The following KCND3 variants were observed in gnomAD, a reference collection of about 807,000 sequenced individuals.
KCND3 encodes potassium voltage-gated channel subfamily D member 3, also known as A-type voltage-gated potassium channel KCND3.
Under a neutral mutation model 51.1 loss-of-function variants are expected in KCND3, and 9 were observed. That is an observed-to-expected ratio of 0.18 (90% CI 0.11 to 0.31). The LOEUF (loss-of-function observed/expected upper bound fraction) is 0.31. Ranked by LOEUF, KCND3 falls within the 10% of genes least tolerant of loss-of-function variation. KCND3 has a pLI of 1.00. For synonymous variants in KCND3, 349 were observed against 368.0 expected, an observed-to-expected ratio of 0.95 and a Z score of 0.59; for missense variants, 526 against 903.8, an observed-to-expected ratio of 0.58 and a Z score of 5.36.
chr1:111,936,115 C>CCTGT (rs1672205743), intron 2 of KCND3, among the ~76,000 whole-genome samples: 1 of 152,152 alleles, frequency 6.6e-6, no homozygotes, highest in African/African-American at 2.4e-5. Flanking sequence ...ACAGACTGCC[C>CCTGT]CTGTATGTAT....
In KCND3 at chr1:111,969,562, A is replaced by T. The variant is rs143415666; in HGVS notation, c.1106+12059T>A. ...TCAGCTACAAAACACAGATAATAGTAATACTGCTCTCATATGGTTATTGGG... is the reference window on the plus strand; with the variant it reads ...TCAGCTACAAAACACAGATAATAGTTATACTGCTCTCATATGGTTATTGGG... On this transcript the variant is annotated intron_variant, in intron 2 of 7. Transcript: ENST00000302127. Among the ~76,000 whole-genome samples the T allele has an allele frequency of 7.3e-3, 1,114 of 152,342 alleles. 12 individuals carry two copies. The highest frequency in any genetic ancestry group is 0.025 in the African/African-American group (1,040 of 41,576).
intron 2 of KCND3, among the ~76,000 whole-genome samples, chr1:111,853,247 T>A (rs1453512920): frequency 6.6e-6 from 1 of 152,216 alleles, no homozygotes; most frequent in Admixed American, 6.5e-5. Context: ...TCATTTCATC[T>A]TTTTTGAGTC....
At chr1:111,802,654 G>C (rs1012384904) in intron 2 of KCND3, among the ~76,000 whole-genome samples, 1 of 152,216 alleles carries the variant, frequency 6.6e-6, no homozygotes, top group African/African-American at 2.4e-5. Context: ...AGCTGCATGA[G>C]AGCAGGCCCG....
intron 2 of KCND3, among the ~76,000 whole-genome samples, chr1:111,914,881 C>T (rs1671120894): frequency 6.6e-6 from 1 of 152,048 alleles, no homozygotes; most frequent in Non-Finnish European, 1.5e-5. Context: ...ATTTTGTACT[C>T]ATTTTTGAAG....
intron 2 of KCND3, among the ~76,000 whole-genome samples, chr1:111,950,069 C>T (rs774400791): frequency 2.0e-5 from 3 of 152,132 alleles, no homozygotes; most frequent in Non-Finnish European, 4.4e-5. Context: ...TGCCACCATA[C>T]CTGGCTCATT....
intron 2 of KCND3, among the ~76,000 whole-genome samples, chr1:111,893,364 G>T (rs1297902752): frequency 6.6e-6 from 1 of 152,118 alleles, no homozygotes; most frequent in Non-Finnish European, 1.5e-5. Flanking sequence ...AACCAGGGTG[G>T]GGGCAGGGAG....
intron 2 of KCND3, among the ~76,000 whole-genome samples, chr1:111,955,855 C>T (rs1673310685): frequency 6.6e-6 from 1 of 152,146 alleles, no homozygotes; most frequent in South Asian, 2.1e-4. Flanking sequence ...GCCATTTCTG[C>T]CTTCGAGAAA....
chr1:111,929,276 ATT>A, intron 2 of KCND3, among the ~76,000 whole-genome samples: 1 of 152,074 alleles, frequency 6.6e-6, no homozygotes, highest in East Asian at 1.9e-4. Flanking sequence ...TCAGTAAACT[ATT>A]CTCTATTGAG....
At chr1:111,883,469 G>A (rs1020551353) in intron 2 of KCND3, among the ~76,000 whole-genome samples, 1 of 152,032 alleles carries the variant, frequency 6.6e-6, no homozygotes, top group Admixed American at 6.6e-5. Context: ...CTCAAATGCC[G>A]CCTATTTAAA....
At chr1:111,875,399 A>G (rs1201086223) in intron 2 of KCND3, among the ~76,000 whole-genome samples, 1 of 152,208 alleles carries the variant, frequency 6.6e-6, no homozygotes, top group Non-Finnish European at 1.5e-5. Flanking sequence ...AGCTGTCCCC[A>G]AGACCCTCCT....
rs920187857 is a variant in KCND3 at position 111,912,233 on chromosome 1, C to T, written c.1106+69388G>A. Among the ~76,000 whole-genome samples, 4 of 152,142 alleles carry T rather than the reference C, an allele frequency of 2.6e-5. No individual in the cohort carries two copies. In the East Asian group the frequency reaches 5.8e-4, roughly 22 times the overall value. ...CAATGTTTTGGCCAATGCCAGATGGCGTATATGATGGTGGTCTCATAAGAT... is the reference window on the plus strand; with the variant it reads ...CAATGTTTTGGCCAATGCCAGATGGTGTATATGATGGTGGTCTCATAAGAT... On this transcript the variant is annotated intron_variant, in intron 2 of 7. Transcript: ENST00000302127.
chr1:111,903,009 T>C (rs570306913), intron 2 of KCND3, among the ~76,000 whole-genome samples: 11 of 152,322 alleles, frequency 7.2e-5, no homozygotes, highest in Admixed American at 2.6e-4. Flanking sequence ...TTTACACACA[T>C]ACATATAGGC....
At chr1:111,976,266 G>A (rs762184765) in intron 2 of KCND3, among the ~76,000 whole-genome samples, 30 of 152,146 alleles carry the variant, frequency 2.0e-4, no homozygotes, top group Middle Eastern at 3.2e-3. Flanking sequence ...AGGAAAAAGC[G>A]TAGCCAAGTA....
chr1:111,891,201 G>C (rs564958802), intron 2 of KCND3, among the ~76,000 whole-genome samples: 60 of 152,278 alleles, frequency 3.9e-4, no homozygotes, highest in African/African-American at 1.4e-3. Flanking sequence ...TTTGTAAAGG[G>C]TTGGGCACAT....
At chr1:111,778,369 G>A in intron 6 of KCND3, 67 bp downstream of exon 6, 2 of 1,465,462 alleles carry the variant, frequency 1.4e-6, no homozygotes, top group Non-Finnish European at 1.9e-6. Context: ...GGGGTAAAAA[G>A]GGGAGAATCC....
At chr1:111,986,643 T>G (rs934316907) in intron 1 of KCND3, among the ~76,000 whole-genome samples, 1 of 152,224 alleles carries the variant, frequency 6.6e-6, no homozygotes, top group Non-Finnish European at 1.5e-5. Flanking sequence ...AAAGACCCTT[T>G]GGCTCAAATG....
At chr1:111,881,264 G>A (rs756998246) in intron 2 of KCND3, among the ~76,000 whole-genome samples, 3 of 152,184 alleles carry the variant, frequency 2.0e-5, no homozygotes, top group Admixed American at 1.3e-4. Context: ...GGATTAACTC[G>A]ACATTTGTCA....
At chr1:111,949,647 C>G (rs979940192) in intron 2 of KCND3, among the ~76,000 whole-genome samples, 10 of 152,032 alleles carry the variant, frequency 6.6e-5, no homozygotes, top group Admixed American at 3.9e-4. Context: ...TTCTCTCTCT[C>G]CCCCTTCCCC....
intron 2 of KCND3, among the ~76,000 whole-genome samples, chr1:111,828,222 T>C (rs1019474176): frequency 3.0e-5 from 3 of 99,938 alleles, no homozygotes; most frequent in Non-Finnish European, 2.7e-5. Flanking sequence ...CAGCAAGTCT[T>C]ACAAAGCTTT....
Sources: allele counts gnomAD v4.1 joint callset (sites outside exome capture counted in the v4.1 genomes callset), GRCh38; gene constraint gnomAD v4.1.1; transcripts MANE v1.5; gene names NCBI Gene and HGNC (gene_info 2026-07-23, HGNC 2026-07-21).